The following APLNR variants were observed in gnomAD, a reference collection of about 807,000 sequenced individuals.
APLNR encodes APJ (apelin) receptor.
APLNR carries 13 observed loss-of-function variants against 23.4 expected under a neutral mutation model. The ratio of observed to expected loss-of-function variants is 0.56; its 90% CI spans 0.36 to 0.88. APLNR has a LOEUF of 0.88. Among genes scored for constraint, APLNR ranks in the 40% least tolerant of loss-of-function variants. The pLI, the probability that APLNR is intolerant of heterozygous loss-of-function variation, is 0.01. For synonymous variants in APLNR, 234 were observed against 211.9 expected, an observed-to-expected ratio of 1.10 and a Z score of -0.91; for missense variants, 480 against 517.1, an observed-to-expected ratio of 0.93 and a Z score of 0.70.
Position 57,236,133 on chromosome 11 carries a change from A to G in APLNR, c.872T>C (p.Phe291Ser). 1 of 1,614,150 alleles carries G rather than the reference A, an allele frequency of 6.2e-7. No individual in the cohort carries two copies. The highest frequency in any genetic ancestry group is 8.5e-7 in the Non-Finnish European group (1 of 1,180,044). ...CDFDLFLMNI[F>S]PYCTCISYVN... Reference sequence around the variant, plus strand: ...GTAGCTGATGCAGGTGCAGTAGGGGAAGATGTTCATGAGGAAGAGGTCAAA... The same window carrying G: ...GTAGCTGATGCAGGTGCAGTAGGGGGAGATGTTCATGAGGAAGAGGTCAAA... The change falls in exon 1 of 1, where the codon TTC becomes TCC. Residue 291 changes from phenylalanine to serine, a missense_variant. Physicochemically the swap from Phe to Ser is radical, Grantham distance 155. Transcript: ENST00000606794.
In APLNR at chr11:57,234,663, G is replaced by C. The variant is rs754993411; in HGVS notation, c.*1199C>G. The C allele has an allele frequency of 6.6e-6, 1 of 152,292 alleles. No individual in the cohort carries two copies. The highest frequency in any genetic ancestry group is 1.5e-5 in the Non-Finnish European group (1 of 68,134). The allele number at this position is 152,292 out of a possible 1,614,324, so 9.4% of individuals were successfully genotyped here. On this transcript the variant is annotated 3_prime_UTR_variant, in exon 1 of 1. Coordinates refer to ENST00000606794, the MANE Select transcript of APLNR (RefSeq NM_005161.6). The stretch of plus-strand genomic sequence containing the variant: ...TGAACAGCAGAGTTGCAGTGGATTG[G>C]GGGGTGGGAGGAGGTTTGTCCAAAT...
Position 57,236,339 on chromosome 11 carries a change from G to A in APLNR, c.666C>T (p.Phe222=). The A allele has an allele frequency of 6.2e-7, 1 of 1,614,216 alleles. No homozygotes were observed. The highest frequency in any genetic ancestry group is 8.5e-7 in the Non-Finnish European group (1 of 1,180,024). The part of the protein sequence containing the change: ...VPFTIMLTCY[F]FIAQTIAGHF... Reference sequence around the variant, plus strand: ...GGCCAGCGATGGTTTGGGCGATGAAGAAGTAACAGGTCAGCATGATGGTGA... The same window carrying A: ...GGCCAGCGATGGTTTGGGCGATGAAAAAGTAACAGGTCAGCATGATGGTGA... The change falls in exon 1 of 1, where the codon TTC becomes TTT. Residue 222 remains phenylalanine, a synonymous_variant. Coordinates refer to ENST00000606794, the MANE Select transcript of APLNR (RefSeq NM_005161.6).
rs1220236461 is a variant in APLNR at position 57,234,612 on chromosome 11, C to G, written c.*1250G>C. On this transcript the variant is annotated 3_prime_UTR_variant, in exon 1 of 1. Transcript: ENST00000606794. Reference sequence around the variant, plus strand: ...ATTGCCTCAGTGTGTCCCTGCCCCCCACCACCCCCTGCCAAGGGTAATGTG... The same window carrying G: ...ATTGCCTCAGTGTGTCCCTGCCCCCGACCACCCCCTGCCAAGGGTAATGTG... 1 of 152,254 alleles carries G rather than the reference C, an allele frequency of 6.6e-6. No homozygotes were observed. Among genetic ancestry groups the G allele is most frequent in the East Asian group, 1.9e-4 (1 of 5,200 alleles). The allele number at this position is 152,254 out of a possible 1,614,324, so 9.4% of individuals were successfully genotyped here.
At position 57,234,244 on chromosome 11, in the gene APLNR, T is replaced by G. The variant is rs934600842; in HGVS notation, c.*1618A>C. The G allele has an allele frequency of 1.3e-5, 2 of 152,162 alleles. 1 individual carries two copies. Among genetic ancestry groups the G allele is most frequent in the South Asian group, 4.2e-4 (2 of 4,816 alleles). The allele number at this position is 152,162 out of a possible 1,614,324, so 9.4% of individuals were successfully genotyped here. ...GAGAAAAAACCCACCCCGTGCCTTT[T>G]GGCCCATGGCAAGCAGGAGGCCTCC... On this transcript the variant is annotated 3_prime_UTR_variant, in exon 1 of 1. Transcript: ENST00000606794.
In APLNR at chr11:57,236,198, C is replaced by A. The variant is rs146141809; in HGVS notation, c.807G>T (p.Thr269=). Reference sequence around the variant, plus strand: ...GCAGCAGGCTGCCCAGCATGTACAGCGTCTTCACCAGGTGGTAGGGCATCC... The same window carrying A: ...GCAGCAGGCTGCCCAGCATGTACAGAGTCTTCACCAGGTGGTAGGGCATCC... ...LCWMPYHLVK[T]LYMLGSLLHW... is the part of the protein sequence containing the mutation. The change falls in exon 1 of 1, where the codon ACG becomes ACT. Residue 269 remains threonine (T), a synonymous_variant. Transcript: ENST00000606794. 1 of 1,614,050 alleles carries A rather than the reference C, an allele frequency of 6.2e-7. No individual in the cohort carries two copies. Among genetic ancestry groups the A allele is most frequent in the Non-Finnish European group, 8.5e-7 (1 of 1,180,000 alleles).
Position 57,235,403 on chromosome 11 carries a change from G to A in APLNR, c.*459C>T, listed in dbSNP as rs575790254. 97 of 158,312 alleles carry A rather than the reference G, an allele frequency of 6.1e-4. No homozygotes were observed. Among genetic ancestry groups the A allele is most frequent in the Middle Eastern group, 3.3e-3 (1 of 306 alleles). 9.8% of individuals were successfully genotyped at this position (158,312 alleles called of 1,614,324 possible). On this transcript the variant is annotated 3_prime_UTR_variant, in exon 1 of 1. Coordinates refer to ENST00000606794, the MANE Select transcript of APLNR (RefSeq NM_005161.6). ...GGGGAGAAGGATGGATGGAGGGAGGGGGACGAGCTGTAGGAGGGGATTGGT... is the reference window on the plus strand; with the variant it reads ...GGGGAGAAGGATGGATGGAGGGAGGAGGACGAGCTGTAGGAGGGGATTGGT...
Position 57,235,904 on chromosome 11 carries a change from C to A in APLNR, c.1101G>T (p.Glu367Asp). Residue 367 changes from glutamate to aspartate, a missense_variant, in exon 1 of 1, where the codon GAG (glutamate) becomes GAT (aspartate). Transcript: ENST00000606794. ...NMGKGGEQMH[E>D]KSIPYSQETL... ...TCTCCTGGCTGTAGGGGATGGATTT[C>A]TCGTGCATCTGTTCTCCACCCTTGC... 1 of 1,613,562 alleles carries A rather than the reference C, an allele frequency of 6.2e-7. No individual in the cohort carries two copies. The highest frequency in any genetic ancestry group is 2.2e-5 in the East Asian group (1 of 44,886).
At position 57,237,083 on chromosome 11, in the gene APLNR, C is replaced by T; in HGVS notation, c.-79G>A. ...GCTCTGTCACCCACTCTGCAAGCAG[C>T]CTGAATTTCTGGCTTGAGCCTCAGA... On this transcript the variant is annotated 5_prime_UTR_variant, in exon 1 of 1. Coordinates refer to ENST00000606794, the MANE Select transcript of APLNR (RefSeq NM_005161.6). 1 of 1,446,994 alleles carries T rather than the reference C, an allele frequency of 6.9e-7. No individual in the cohort carries two copies. The highest frequency in any genetic ancestry group is 9.3e-7 in the Non-Finnish European group (1 of 1,074,764). 89.6% of individuals were successfully genotyped at this position (1,446,994 alleles called of 1,614,324 possible). A position where few individuals can be genotyped will look rare whatever the true frequency, so the allele number is the denominator to read the frequency against.
chr11:57,236,873 C>T lies in APLNR; in HGVS notation c.132G>A (p.Thr44=), dbSNP rs376106820. ...CGGTCCAGAGCACCAGACCGTTGCCCGTGGTGCCCAGGAGGAAGACCAACA... is the reference window on the plus strand; with the variant it reads ...CGGTCCAGAGCACCAGACCGTTGCCTGTGGTGCCCAGGAGGAAGACCAACA... The part of the protein sequence containing the change: ...IYMLVFLLGT[T]GNGLVLWTVF... The change falls in exon 1 of 1, where the codon ACG becomes ACA. Residue 44 remains threonine (T), a synonymous_variant. Coordinates refer to ENST00000606794, the MANE Select transcript of APLNR (RefSeq NM_005161.6). The T allele has an allele frequency of 1.9e-5, 30 of 1,614,084 alleles. No homozygotes were observed. The highest frequency in any genetic ancestry group is 1.4e-4 in the South Asian group (13 of 91,086).
Position 57,236,062 on chromosome 11 carries a change from G to C in APLNR, c.943C>G (p.Arg315Gly), listed in dbSNP as rs137997556. The C allele has an allele frequency of 6.2e-6, 10 of 1,614,240 alleles. No homozygotes were observed. The highest frequency in any genetic ancestry group is 8.5e-6 in the Non-Finnish European group (10 of 1,180,038). Reference sequence around the variant, plus strand: ...ATGGAGGTGCAGGCCTGGCGGAAGCGGGGGTCGAAAAAGGCATAGAGGAAG... The same window carrying C: ...ATGGAGGTGCAGGCCTGGCGGAAGCCGGGGTCGAAAAAGGCATAGAGGAAG... ...NPFLYAFFDP[R>G]FRQACTSMLC... The change falls in exon 1 of 1, where the codon CGC (arginine) becomes GGC (glycine). Residue 315 changes from arginine (R) to glycine (G), a missense_variant. Transcript: ENST00000606794.
Position 57,236,833 on chromosome 11 carries a change from G to T in APLNR, c.172C>A (p.Arg58=). ...LVLWTVFRSS[R]EKRRSADIFI... The stretch of plus-strand genomic sequence containing the variant: ...ATATCAGCTGAGCGCCTCTTCTCCC[G>T]GCTGCTCCGAAACACGGTCCAGAGC... Residue 58 remains arginine (R), a synonymous_variant, in exon 1 of 1, where the codon CGG becomes AGG. Transcript: ENST00000606794. 1.2e-6 allele frequency: 2 copies of T among 1,614,188 alleles called. No individual in the cohort carries two copies. The highest frequency in any genetic ancestry group is 2.2e-5 in the East Asian group (1 of 44,878).
chr11:57,236,256 A>C lies in APLNR; in HGVS notation c.749T>G (p.Ile250Ser). ...LRKRRRLLSI[I>S]VVLVVTFALC... ...GGCAAAGGTCACCACCAGCACCACG[A>C]TGATGCTGAGCAGCCGGCGCCGCTT... Residue 250 changes from isoleucine (I) to serine (S), a missense_variant, in exon 1 of 1, where the codon ATC (isoleucine) becomes AGC (serine). Transcript: ENST00000606794. 1 of 1,614,084 alleles carries C rather than the reference A, an allele frequency of 6.2e-7. No individual in the cohort carries two copies. Among genetic ancestry groups the C allele is most frequent in the South Asian group, 1.1e-5 (1 of 91,080 alleles).
At position 57,234,217 on chromosome 11, in the gene APLNR, G is replaced by A. The variant is rs541914641; in HGVS notation, c.*1645C>T. 4 of 152,286 alleles carry A rather than the reference G, an allele frequency of 2.6e-5. No homozygotes were observed. The highest frequency in any genetic ancestry group is 2.9e-5 in the Non-Finnish European group (2 of 68,140). 9.4% of individuals were successfully genotyped at this position (152,286 alleles called of 1,614,324 possible). On this transcript the variant is annotated 3_prime_UTR_variant, in exon 1 of 1. Transcript: ENST00000606794. The stretch of plus-strand genomic sequence containing the variant: ...CAAGAGGTCCAATCCTGAGGGTAGG[G>A]AGAGAAAAAACCCACCCCGTGCCTT...
chr11:57,233,904 G>A lies in APLNR; in HGVS notation c.*1958C>T, dbSNP rs1045650811. On this transcript the variant is annotated 3_prime_UTR_variant, in exon 1 of 1. Transcript: ENST00000606794. ...AGATGGGGAGACTAGGCTGTGAGGAGCCCCTTCCCCTCTCCTCCTCCCTCT... is the reference window on the plus strand; with the variant it reads ...AGATGGGGAGACTAGGCTGTGAGGAACCCCTTCCCCTCTCCTCCTCCCTCT... 6.6e-6 allele frequency: 1 copy of A among 152,260 alleles called. No individual in the cohort carries two copies. Among genetic ancestry groups the A allele is most frequent in the Non-Finnish European group, 1.5e-5 (1 of 68,108 alleles). 9.4% of individuals were successfully genotyped at this position (152,260 alleles called of 1,614,324 possible).
Position 57,236,957 on chromosome 11 carries a change from C to T in APLNR, c.48G>A (p.Gln16=), listed in dbSNP as rs1565021410. Residue 16 remains glutamine (Q), a synonymous_variant, in exon 1 of 1, where the codon CAG becomes CAA. Transcript: ENST00000606794. ...DFDNYYGADN[Q]SECEYTDWKS... The stretch of plus-strand genomic sequence containing the variant: ...TCCAGTCTGTGTACTCACACTCAGA[C>T]TGGTTGTCTGCCCCATAGTAGTTGT... 5.0e-6 allele frequency: 8 copies of T among 1,611,150 alleles called. No individual in the cohort carries two copies. The highest frequency in any genetic ancestry group is 1.7e-4 in the Middle Eastern group (1 of 6,042).
chr11:57,234,017 G>A lies in APLNR; in HGVS notation c.*1845C>T, dbSNP rs1367758109. On this transcript the variant is annotated 3_prime_UTR_variant, in exon 1 of 1. Coordinates refer to ENST00000606794, the MANE Select transcript of APLNR (RefSeq NM_005161.6). ...TTCTTATCTCCATCGCTCATGTCTTGTCCTTCACTTTCATAGTCCTCCAAG... is the reference window on the plus strand; with the variant it reads ...TTCTTATCTCCATCGCTCATGTCTTATCCTTCACTTTCATAGTCCTCCAAG... 1 of 152,156 alleles carries A rather than the reference G, an allele frequency of 6.6e-6. No individual in the cohort carries two copies. The highest frequency in any genetic ancestry group is 1.5e-5 in the Non-Finnish European group (1 of 68,088). The allele number at this position is 152,156 out of a possible 1,614,324, so 9.4% of individuals were successfully genotyped here. A position where few individuals can be genotyped will look rare whatever the true frequency, so the allele number is the denominator to read the frequency against.
In APLNR at chr11:57,236,738, C is replaced by G; in HGVS notation, c.267G>C (p.Thr89=). ...VVTLPLWATY[T]YRDYDWPFGT... is the part of the protein sequence containing the mutation. ...CAAAGGGCCAGTCATAGTCCCGGTA[C>G]GTGTAGGTAGCCCACAGGGGCAGCG... The change falls in exon 1 of 1, where the codon ACG becomes ACC. Residue 89 remains threonine (T), a synonymous_variant. Coordinates refer to ENST00000606794, the MANE Select transcript of APLNR (RefSeq NM_005161.6). The G allele has an allele frequency of 6.2e-7, 1 of 1,613,972 alleles. No individual in the cohort carries two copies. The highest frequency in any genetic ancestry group is 1.3e-5 in the African/African-American group (1 of 75,054).
In APLNR at chr11:57,236,051, C is replaced by T. The variant is rs745677860; in HGVS notation, c.954G>A (p.Gln318=). 6.2e-7 allele frequency: 1 copy of T among 1,614,220 alleles called. No individual in the cohort carries two copies. The highest frequency in any genetic ancestry group is 1.7e-5 in the Admixed American group (1 of 60,028). ...LYAFFDPRFR[Q]ACTSMLCCGQ... ...CACAGCAGAGCATGGAGGTGCAGGC[C>T]TGGCGGAAGCGGGGGTCGAAAAAGG... Residue 318 remains glutamine, a synonymous_variant, in exon 1 of 1, where the codon CAG becomes CAA. Coordinates refer to ENST00000606794, the MANE Select transcript of APLNR (RefSeq NM_005161.6).
chr11:57,236,641 CG>C lies in APLNR; in HGVS notation c.363del (p.Gly122AlafsTer11), dbSNP rs1258270765. 1 of 1,608,108 alleles carries C rather than the reference CG, an allele frequency of 6.2e-7. No individual in the cohort carries two copies. Among genetic ancestry groups the C allele is most frequent in the Non-Finnish European group, 8.5e-7 (1 of 1,178,650 alleles). On this transcript the variant is annotated frameshift_variant, in exon 1 of 1. Transcript: ENST00000606794. LOFTEE classifies it high-confidence loss of function. The stretch of plus-strand genomic sequence containing the variant: ...GCCAGGTAGCGGTCGAAGCTGAGGC[CG>C]GTGAGGCAGAAGACGCTGGCGTACA... ...VNMYASVFCL[T>X]GLSFDRYLAI... is the part of the protein sequence containing the mutation.
Sources: allele counts gnomAD v4.1 joint callset, GRCh38; gene constraint gnomAD v4.1.1; transcripts MANE v1.5; gene names NCBI Gene and HGNC (gene_info 2026-07-23, HGNC 2026-07-21).